TBC1D16: variants seen among roughly 807,000 people sequenced by gnomAD.
The protein encoded by TBC1D16 is TBC1 domain family member 16.
A neutral mutation model predicts 74.7 loss-of-function variants in TBC1D16; 58 were observed. The ratio of observed to expected loss-of-function variants is 0.78; its 90% CI spans 0.63 to 0.97. The LOEUF (loss-of-function observed/expected upper bound fraction) is 0.97, where lower values mean the gene tolerates loss of function less well. Among genes scored for constraint, TBC1D16 ranks in the 50% least tolerant of loss-of-function variants. The probability of loss-of-function intolerance (pLI) is 0.00; values close to 1 mark genes in which losing one functional copy is unlikely to be tolerated. For synonymous variants in TBC1D16, 493 were observed against 474.7 expected (o/e 1.04, Z -0.50); for missense variants, 1,014 against 1,079.5 (o/e 0.94, Z 0.85).
At chr17:80,015,524 ACAGCTG>A (rs1299412537) in intron 1 of TBC1D16, among the ~76,000 whole-genome samples, 1 of 152,224 alleles carries the variant, frequency 6.6e-6, no homozygotes, top group Non-Finnish European at 1.5e-5. Context: ...GACTCTGACC[ACAGCTG>A]GGCTGCGTGC....
intron 3 of TBC1D16, among the ~76,000 whole-genome samples, chr17:79,960,967 C>T (rs778262630): frequency 3.3e-5 from 5 of 152,010 alleles, no homozygotes; most frequent in Non-Finnish European, 7.4e-5. Context: ...CTCAGCAATG[C>T]CCCCTAGGTA....
In TBC1D16 at chr17:79,944,986, C is replaced by T. The variant is rs868423317; in HGVS notation, c.1830G>A (p.Trp610Ter). 1 of 1,567,930 alleles carries T rather than the reference C, an allele frequency of 6.4e-7. No homozygotes were observed. The highest frequency in any genetic ancestry group is 8.6e-7 in the Non-Finnish European group (1 of 1,156,408). Reference protein sequence around the residue: ...DGLQMLFCHRWLLLCFKREFP... With the variant: ...DGLQMLFCHR Reference sequence around the variant, plus strand: ...ACTCCCGCTTGAAGCACAGAAGGAGCCAGCGGTGGCAGAAGAGCATCTGCA... The same window carrying T: ...ACTCCCGCTTGAAGCACAGAAGGAGTCAGCGGTGGCAGAAGAGCATCTGCA... The change falls in exon 10 of 12, where the codon TGG (tryptophan) becomes TGA (stop). Residue 610 changes from tryptophan to a stop codon, truncating the protein, a stop_gained. Coordinates refer to ENST00000310924, the MANE Select transcript of TBC1D16 (RefSeq NM_019020.4). LOFTEE classifies it high-confidence loss of function. This position sits in a 1 kb window ranked among gnomAD's most constrained non-coding sequence, Gnocchi z 7.7.
At position 79,949,752 on chromosome 17, in the gene TBC1D16, C is replaced by T. The variant is rs375025360; in HGVS notation, c.1371G>A (p.Gln457=). The T allele has an allele frequency of 1.4e-5, 22 of 1,613,268 alleles. No individual in the cohort carries two copies. The highest frequency in any genetic ancestry group is 1.3e-4 in the Admixed American group (8 of 60,024). Residue 457 remains glutamine (Q), a synonymous_variant, in exon 7 of 12, where the codon CAG becomes CAA. Transcript: ENST00000310924. ...TSEEREALRL[Q]KRKEYSEIQQ... ...GGATCTCAGAGTACTCCTTTCGCTT[C>T]TGCAGCCGCAGCGCCTCCCGCTCCT... is the stretch of plus-strand genomic sequence containing the variant.
At position 79,936,909 on chromosome 17, in the gene TBC1D16, C is replaced by CGTGTGCGTGTGT. The variant is rs1555852432; in HGVS notation, c.*3949_*3950insACACACGCACAC. The CGTGTGCGTGTGT allele has an allele frequency of 8.2e-6, 1 of 122,200 alleles. No homozygotes were observed. Among genetic ancestry groups the CGTGTGCGTGTGT allele is most frequent in the African/African-American group, 2.7e-5 (1 of 37,274 alleles). The allele number at this position is 122,200 out of a possible 1,614,324, so 7.6% of individuals were successfully genotyped here. A position where few individuals can be genotyped will look rare whatever the true frequency, so the allele number is the denominator to read the frequency against. On this transcript the variant is annotated 3_prime_UTR_variant, in exon 12 of 12. Coordinates refer to ENST00000310924, the MANE Select transcript of TBC1D16 (RefSeq NM_019020.4). ...GTGCATGCGTGCGTGTGTGCATGTG[C>CGTGTGCGTGTGT]GTGTGTGTGTGTGTGTGTGTGTGTG... is the stretch of plus-strand genomic sequence containing the variant.
Position 80,008,898 on chromosome 17 carries a change from C to A in TBC1D16, c.779+1262G>T, listed in dbSNP as rs188036060. ...GCCTGTGTCCTTACTTCATGCCCCA[C>A]CACTCCCCGGCTTAATCGGCCTGGG... is the stretch of plus-strand genomic sequence containing the variant. On this transcript the variant is annotated intron_variant, in intron 3 of 11. Coordinates refer to ENST00000310924, the MANE Select transcript of TBC1D16 (RefSeq NM_019020.4). The surrounding 1 kb of genome is among the most constrained non-coding windows in gnomAD (Gnocchi z 4.5). Among the ~76,000 whole-genome samples the A allele has an allele frequency of 6.6e-6, 1 of 152,360 alleles. No individual in the cohort carries two copies. Among genetic ancestry groups the A allele is most frequent in the African/African-American group, 2.4e-5 (1 of 41,584 alleles).
intron 3 of TBC1D16, among the ~76,000 whole-genome samples, chr17:79,964,339 T>C (rs1049864688): frequency 6.6e-6 from 1 of 152,212 alleles, no homozygotes; most frequent in Non-Finnish European, 1.5e-5. Flanking sequence ...TTATTCCTTA[T>C]TAAACATACA....
rs149251119 is a variant in TBC1D16 at position 79,942,126 on chromosome 17, C to G, written c.1989G>C (p.Thr663=). ...TTCCGAAGTGCAGGAGCATCTGGTCCGTGGCCAGCTGCTGCTCGATGACGT... is the reference window on the plus strand; with the variant it reads ...TTCCGAAGTGCAGGAGCATCTGGTCGGTGGCCAGCTGCTGCTCGATGACGT... ...GDDVIEQQLA[T]DQMLLHFGNL... The change falls in exon 11 of 12, where the codon ACG becomes ACC. Residue 663 remains threonine (T), a synonymous_variant. Transcript: ENST00000310924. 4.9e-4 allele frequency: 794 copies of G among 1,611,582 alleles called. 3 individuals are homozygous for G. The highest frequency in any genetic ancestry group is 1.4e-4 in the Non-Finnish European group (162 of 1,179,376).
rs542417760 is a variant in TBC1D16, at chr17:79,990,436, C to T, written c.779+19724G>A. The stretch of plus-strand genomic sequence containing the variant: ...GTGATTTCCCAATGCTTGAAGTTCA[C>T]GACCAATTGCTGGGGTGGGGACAAC... On this transcript the variant is annotated intron_variant, in intron 3 of 11. Transcript: ENST00000310924. The surrounding 1 kb of genome is among the most constrained non-coding windows in gnomAD (Gnocchi z 4.8). Among the ~76,000 whole-genome samples, 2 of 152,316 alleles carry T rather than the reference C, an allele frequency of 1.3e-5. No homozygotes were observed. Among genetic ancestry groups the T allele is most frequent in the South Asian group, 2.1e-4 (1 of 4,828 alleles).
At chr17:80,031,571 C>T (rs994038388) in intron 1 of TBC1D16, among the ~76,000 whole-genome samples, 3 of 152,146 alleles carry the variant, frequency 2.0e-5, no homozygotes, top group African/African-American at 4.8e-5. Flanking sequence ...AACTGTCCAG[C>T]GGTCACCCTG....
chr17:79,951,400 G>A (rs995933577), intron 5 of TBC1D16, 50 bp downstream of exon 5: 4 of 1,594,278 alleles, frequency 2.5e-6, no homozygotes, highest in South Asian at 2.2e-5. Context: ...GGCCCGTGGG[G>A]GGTGGGGAGT....
chr17:79,952,951 T>C, intron 3 of TBC1D16, 133 bp from the exon 4 acceptor site: 1 of 1,006,496 alleles, frequency 9.9e-7, no homozygotes, highest in Non-Finnish European at 1.4e-6. Context: ...CGGCTGAATA[T>C]GCCCTGTAAA....
At position 80,007,256 on chromosome 17, in the gene TBC1D16, A is replaced by G. The variant is rs2035710667; in HGVS notation, c.779+2904T>C. 6.6e-6 allele frequency among the ~76,000 whole-genome samples: 1 copy of G among 152,176 alleles called. No homozygotes were observed. The highest frequency in any genetic ancestry group is 1.9e-4 in the East Asian group (1 of 5,184). ...GGCCGGGCTGTGGTAAGCACCCCCC[A>G]GCACGGTCTCCGGGTGGGGACGAGT... is the stretch of plus-strand genomic sequence containing the variant. On this transcript the variant is annotated intron_variant, in intron 3 of 11. Transcript: ENST00000310924. This position sits in a 1 kb window ranked among gnomAD's most constrained non-coding sequence, Gnocchi z 4.5.
chr17:80,024,645 C>CCATAGACACACATACCACACACAT (rs1568648871), intron 1 of TBC1D16, among the ~76,000 whole-genome samples: 1 of 139,484 alleles, frequency 7.2e-6, no homozygotes, highest in Admixed American at 7.6e-5. Context: ...ACCACACACA[C>CCATAGACACACATACCACACACAT]CATAGACATA....
At chr17:79,996,644 G>T (rs907935600) in intron 3 of TBC1D16, among the ~76,000 whole-genome samples, 1 of 152,162 alleles carries the variant, frequency 6.6e-6, no homozygotes, top group African/African-American at 2.4e-5. Context: ...ACTTTGGGAG[G>T]CCGAGGCGGG....
intron 3 of TBC1D16, among the ~76,000 whole-genome samples, chr17:79,960,788 A>AC (rs1355117907): frequency 5.0e-5 from 7 of 138,846 alleles, no homozygotes; most frequent in African/African-American, 1.8e-4. Context: ...CCAAAAAAAA[A>AC]AAAAAAAAAA....
At position 79,980,090 on chromosome 17, in the gene TBC1D16, C is replaced by G. The variant is rs1326954514; in HGVS notation, c.780-27272G>C. Among the ~76,000 whole-genome samples the G allele has an allele frequency of 1.3e-5, 2 of 152,178 alleles. No homozygotes were observed. Among genetic ancestry groups the G allele is most frequent in the Non-Finnish European group, 2.9e-5 (2 of 68,030 alleles). On this transcript the variant is annotated intron_variant, in intron 3 of 11. Coordinates refer to ENST00000310924, the MANE Select transcript of TBC1D16 (RefSeq NM_019020.4). The surrounding 1 kb of genome is among the most constrained non-coding windows in gnomAD (Gnocchi z 7.0). ...CGTGGAGGGTGGCCGCGAGGTTCAT[C>G]TGGGCCTCCGAGCCTCCCAGCGCAT...
intron 1 of TBC1D16, among the ~76,000 whole-genome samples, chr17:80,021,188 G>A (rs2036269679): frequency 6.7e-6 from 1 of 149,276 alleles, no homozygotes; most frequent in African/African-American, 2.6e-5. Context: ...GGTGGTGGAG[G>A]TTGCAGTGAG....
chr17:79,989,477 C>T (rs1365206341), intron 3 of TBC1D16, among the ~76,000 whole-genome samples: 1 of 152,192 alleles, frequency 6.6e-6, no homozygotes, highest in Non-Finnish European at 1.5e-5. Flanking sequence ...GGGGTATTTC[C>T]AGGATGAAAA....
rs1224186110 is a variant in TBC1D16 at position 79,933,905 on chromosome 17, G to C, written c.*6954C>G. The C allele has an allele frequency of 6.6e-6, 1 of 152,276 alleles. No individual in the cohort carries two copies. Among genetic ancestry groups the C allele is most frequent in the Admixed American group, 6.5e-5 (1 of 15,286 alleles). The allele number at this position is 152,276 out of a possible 1,614,324, so 9.4% of individuals were successfully genotyped here. On this transcript the variant is annotated 3_prime_UTR_variant, in exon 12 of 12. Transcript: ENST00000310924. ...TGCATGAATGATGTGGAAGGAGCCA[G>C]AACAGGGCTGCAGACAGGATGCTCT...
Sources: gnomAD v4.1 joint callset for allele counts (sites outside exome capture counted in the v4.1 genomes callset) on GRCh38, gnomAD v4.1.1 for gene constraint, Gnocchi (gnomAD v3.1) non-coding constraint, MANE v1.5 for transcripts, NCBI Gene and HGNC (gene_info 2026-07-23, HGNC 2026-07-21) for gene names.